STYXL1: variants seen among roughly 807,000 people sequenced by gnomAD.
The protein encoded by STYXL1 is serine/threonine/tyrosine-interacting-like protein 1.
Under a neutral mutation model 36.4 loss-of-function variants are expected in STYXL1, and 32 were observed. The ratio of observed to expected loss-of-function variants is 0.88; its 90% confidence interval spans 0.66 to 1.18. STYXL1 has a LOEUF of 1.18. Among genes scored for constraint, STYXL1 ranks in the 50% most tolerant of loss-of-function variants. The probability of loss-of-function intolerance (pLI) is 0.00; values close to 1 mark genes in which losing one functional copy is unlikely to be tolerated. For synonymous variants in STYXL1, 133 were observed against 144.1 expected, an observed-to-expected ratio of 0.92 and a Z score of 0.55; for missense variants, 354 against 394.1, an observed-to-expected ratio of 0.90 and a Z score of 0.86.
At chr7:76,002,675 G>C (rs538202779) in intron 7 of STYXL1, among the ~76,000 whole-genome samples, 1 of 152,164 alleles carries the variant, frequency 6.6e-6, no homozygotes. Flanking sequence ...TGTAATCCCA[G>C]TACTTTGGGA....
chr7:76,034,478 T>C (rs1189669593), intron 1 of STYXL1, among the ~76,000 whole-genome samples: 1 of 152,120 alleles, frequency 6.6e-6, no homozygotes, highest in Admixed American at 6.6e-5. Flanking sequence ...CCCCAGACAC[T>C]CTCCCCTCCC....
chr7:76,040,883 A>G (rs2116487569), intron 1 of STYXL1, among the ~76,000 whole-genome samples: 1 of 152,102 alleles, frequency 6.6e-6, no homozygotes, highest in African/African-American at 2.4e-5. Flanking sequence ...AAAAAAAGCT[A>G]TTTATCTAAA....
At chr7:75,996,662 A>C in intron 8 of STYXL1, 63 bp from the exon 9 acceptor site, 2 of 1,557,200 alleles carry the variant, frequency 1.3e-6, no homozygotes, top group South Asian at 1.1e-5. Context: ...CACTTGGATC[A>C]GAGGCAGCTT....
intron 1 of STYXL1, among the ~76,000 whole-genome samples, chr7:76,046,841 G>C (rs1554583887): frequency 6.6e-6 from 1 of 150,542 alleles, no homozygotes; most frequent in Non-Finnish European, 1.5e-5. Context: ...AGTAGAGATG[G>C]GGTTTCACCA....
At chr7:76,032,571 G>A (rs1209666518) in intron 1 of STYXL1, among the ~76,000 whole-genome samples, 1 of 151,278 alleles carries the variant, frequency 6.6e-6, no homozygotes, top group East Asian at 1.9e-4. Context: ...GTGTGGTGGT[G>A]CATGCCTGTA....
chr7:76,005,624 G>A (rs1309976680), intron 5 of STYXL1, among the ~76,000 whole-genome samples: 4 of 152,092 alleles, frequency 2.6e-5, no homozygotes, highest in East Asian at 1.9e-4. Flanking sequence ...CGTGCAGAGC[G>A]CTGGGTCTCA....
At chr7:76,032,763 G>C (rs941238862) in intron 1 of STYXL1, among the ~76,000 whole-genome samples, 5 of 152,124 alleles carry the variant, frequency 3.3e-5, no homozygotes, top group Non-Finnish European at 5.9e-5. Flanking sequence ...CTAACAGGAG[G>C]TTCTCACCTA....
intron 5 of STYXL1, among the ~76,000 whole-genome samples, chr7:76,012,254 G>A (rs981208917): frequency 6.6e-6 from 1 of 152,144 alleles, no homozygotes; most frequent in African/African-American, 2.4e-5. Context: ...CTACAGGTGT[G>A]AGTCGCCACA....
intron 7 of STYXL1, 67 bp from the exon 8 acceptor site, chr7:76,001,069 G>C: frequency 3.2e-6 from 4 of 1,253,408 alleles, no homozygotes. Context: ...GTTGCTGTCA[G>C]ACACTGGCCT....
intron 4 of STYXL1, among the ~76,000 whole-genome samples, chr7:76,018,319 G>C (rs1793642265): frequency 6.6e-6 from 1 of 151,888 alleles, no homozygotes; most frequent in African/African-American, 2.4e-5. Flanking sequence ...AATATGTGAT[G>C]TTTTGCATCT....
At chr7:75,999,495 G>GTT (rs375660394) in intron 8 of STYXL1, among the ~76,000 whole-genome samples, 3 of 113,068 alleles carry the variant, frequency 2.7e-5, no homozygotes, top group Non-Finnish European at 6.2e-5. Flanking sequence ...TTTTTGTTGT[G>GTT]TGTGTGTGTG....
At chr7:76,022,764 C>T (rs1459411629) in intron 3 of STYXL1, among the ~76,000 whole-genome samples, 1 of 151,732 alleles carries the variant, frequency 6.6e-6, no homozygotes, top group African/African-American at 2.4e-5. Context: ...ATGAGATAGA[C>T]TAGAAGATCA....
At chr7:76,027,396 GTTTA>G (rs1794836884) in intron 3 of STYXL1, among the ~76,000 whole-genome samples, 1 of 151,966 alleles carries the variant, frequency 6.6e-6, no homozygotes. Context: ...TATCTCTAGG[GTTTA>G]TTGTCTGTTT....
Position 76,005,379 on chromosome 7 carries a change from G to T in STYXL1, c.479C>A (p.Pro160His). The change falls in exon 6 of 9, where the codon CCC becomes CAC. Residue 160 changes from proline (P) to histidine (H), a missense_variant. Transcript: ENST00000359697. ...PQELDAFQPY[P>H]IEIVPGKVFV... ...GACCTTCCCTGGCACGATTTCAATG[G>T]GGTATGGCTGAAATGCATCCAGTTC... is the stretch of plus-strand genomic sequence containing the variant. 6.2e-7 allele frequency: 1 copy of T among 1,613,036 alleles called. No homozygotes were observed. Among genetic ancestry groups the T allele is most frequent in the East Asian group, 2.2e-5 (1 of 44,872 alleles).
chr7:76,042,828 CCAAA>C (rs1554582501), intron 1 of STYXL1, among the ~76,000 whole-genome samples: 2 of 152,184 alleles, frequency 1.3e-5, no homozygotes, highest in African/African-American at 4.8e-5. Flanking sequence ...CTTTCTGATT[CCAAA>C]CATTCACAAG....
chr7:76,021,298 G>T (rs1794037826), intron 4 of STYXL1, among the ~76,000 whole-genome samples: 1 of 152,002 alleles, frequency 6.6e-6, no homozygotes, highest in African/African-American at 2.4e-5. Flanking sequence ...AGCCAAGATG[G>T]TCTCAATCTC....
At chr7:76,026,665 G>A (rs932209841) in intron 3 of STYXL1, among the ~76,000 whole-genome samples, 3 of 152,182 alleles carry the variant, frequency 2.0e-5, no homozygotes, top group African/African-American at 4.8e-5. Flanking sequence ...GAAATCTCTG[G>A]CAAGAAAGTA....
chr7:76,015,548 C>T (rs1158005529), intron 4 of STYXL1, among the ~76,000 whole-genome samples: 1 of 152,140 alleles, frequency 6.6e-6, no homozygotes, highest in Non-Finnish European at 1.5e-5. Context: ...AGTGCTTCTG[C>T]ACAGCAAGAA....
chr7:76,013,736 CCCTA>C lies in STYXL1; in HGVS notation c.453+2_453+5del. The C allele has an allele frequency of 6.2e-7, 1 of 1,613,782 alleles. No individual in the cohort carries two copies. Among genetic ancestry groups the C allele is most frequent in the South Asian group, 1.1e-5 (1 of 91,074 alleles). Reference sequence around the variant, plus strand: ...GGGCCTGCCTGTGCTCAGCATTTGGCCCTACCTGAGGCATCCAGATGATCTTCTG... The same window carrying C: ...GGGCCTGCCTGTGCTCAGCATTTGGCCCTGAGGCATCCAGATGATCTTCTG... On this transcript the variant is annotated splice_donor_variant and splice_donor_5th_base_variant and intron_variant, in intron 5 of 8. Transcript: ENST00000359697. LOFTEE classifies it high-confidence loss of function.
Sources: allele counts gnomAD v4.1 joint callset (sites outside exome capture counted in the v4.1 genomes callset), GRCh38; gene constraint gnomAD v4.1.1; transcripts MANE v1.5; gene names NCBI Gene and HGNC (gene_info 2026-07-23, HGNC 2026-07-21).